UCK2: variants seen among roughly 807,000 people sequenced by gnomAD.
UCK2 encodes uridine-cytidine kinase 2.
A neutral mutation model predicts 30.8 loss-of-function variants in UCK2; 6 were observed. That is an observed-to-expected ratio of 0.19 (90% CI 0.11 to 0.38). The LOEUF is 0.38. Ranked by LOEUF, UCK2 falls within the 10% of genes least tolerant of loss-of-function variation. UCK2 has a pLI of 1.00. For synonymous variants in UCK2, 125 were observed against 133.6 expected, an observed-to-expected ratio of 0.94 and a Z score of 0.45; for missense variants, 210 against 339.8, an observed-to-expected ratio of 0.62 and a Z score of 3.00.
At position 165,855,741 on chromosome 1, in the gene UCK2, C is replaced by T. The variant is rs183079781; in HGVS notation, c.99+27809C>T. Reference sequence around the variant, plus strand: ...ACCTGTGATGGGGAACATGAATATTCGAGGAGCACAGGTGGATGTGGGGTG... The same window carrying T: ...ACCTGTGATGGGGAACATGAATATTTGAGGAGCACAGGTGGATGTGGGGTG... On this transcript the variant is annotated intron_variant, in intron 1 of 6. Coordinates refer to ENST00000367879, the MANE Select transcript of UCK2 (RefSeq NM_012474.5). Among the ~76,000 whole-genome samples the T allele has an allele frequency of 5.1e-3, 782 of 152,156 alleles. 7 individuals are homozygous for T. The highest frequency in any genetic ancestry group is 8.9e-3 in the Admixed American group (136 of 15,278).
At chr1:165,894,829 T>C (rs1655853682) in intron 3 of UCK2, among the ~76,000 whole-genome samples, 1 of 152,186 alleles carries the variant, frequency 6.6e-6, no homozygotes, top group African/African-American at 2.4e-5. Context: ...CCGTTGATAC[T>C]GACCTCCTTA....
At chr1:165,873,929 G>T (rs1003391082) in intron 1 of UCK2, among the ~76,000 whole-genome samples, 2 of 151,946 alleles carry the variant, frequency 1.3e-5, no homozygotes, top group African/African-American at 2.4e-5. Context: ...CTACCTTATT[G>T]TCTCTTTCTT....
chr1:165,876,483 A>T (rs1655340101), intron 1 of UCK2, among the ~76,000 whole-genome samples: 1 of 152,250 alleles, frequency 6.6e-6, no homozygotes, highest in Non-Finnish European at 1.5e-5. Flanking sequence ...AAAATTCTGC[A>T]GGACAAGTTT....
intron 1 of UCK2, among the ~76,000 whole-genome samples, chr1:165,889,316 G>GT (rs1346578658): frequency 6.6e-6 from 1 of 152,214 alleles, no homozygotes; most frequent in Non-Finnish European, 1.5e-5. Context: ...TCTGGCCATG[G>GT]TTTTTGGTTC....
rs372012520 is a variant in UCK2 at position 165,860,937 on chromosome 1, A to G, written c.100-29267A>G. ...ACTTGAAACTGCTTTGTTGAGAAAAATAAAAGAAAGCATCTGTCCAGTCTA... is the reference window on the plus strand; with the variant it reads ...ACTTGAAACTGCTTTGTTGAGAAAAGTAAAAGAAAGCATCTGTCCAGTCTA... On this transcript the variant is annotated intron_variant, in intron 1 of 6. Coordinates refer to ENST00000367879, the MANE Select transcript of UCK2 (RefSeq NM_012474.5). Among the ~76,000 whole-genome samples the G allele has an allele frequency of 5.8e-4, 89 of 152,320 alleles. No homozygotes were observed. In the South Asian group the frequency reaches 0.017, roughly 29 times the overall value.
intron 1 of UCK2, among the ~76,000 whole-genome samples, chr1:165,835,842 C>G (rs1226448766): frequency 6.6e-6 from 1 of 152,130 alleles, no homozygotes. Flanking sequence ...CAGAAGTATA[C>G]ATTAAAATTT....
At chr1:165,873,010 T>C (rs1352519660) in intron 1 of UCK2, among the ~76,000 whole-genome samples, 1 of 152,146 alleles carries the variant, frequency 6.6e-6, no homozygotes, top group Non-Finnish European at 1.5e-5. Flanking sequence ...AAAAGGGCAG[T>C]CGAGATCAAG....
intron 1 of UCK2, among the ~76,000 whole-genome samples, chr1:165,830,115 C>G (rs1654007151): frequency 6.6e-6 from 1 of 151,758 alleles, no homozygotes; most frequent in Non-Finnish European, 1.5e-5. Context: ...AAGTGATCCT[C>G]CCACTTCAGC....
intron 1 of UCK2, among the ~76,000 whole-genome samples, chr1:165,871,328 G>A (rs754769700): frequency 6.6e-6 from 1 of 152,220 alleles, no homozygotes; most frequent in African/African-American, 2.4e-5. Context: ...TTGTACTCCA[G>A]ACTTGCTGCT....
At chr1:165,851,537 G>A (rs1413175366) in intron 1 of UCK2, among the ~76,000 whole-genome samples, 1 of 152,086 alleles carries the variant, frequency 6.6e-6, no homozygotes, top group Non-Finnish European at 1.5e-5. Context: ...GCTACTCTGT[G>A]CATGCCACTC....
intron 1 of UCK2, among the ~76,000 whole-genome samples, chr1:165,857,877 C>T (rs952944467): frequency 2.6e-5 from 4 of 152,132 alleles, no homozygotes; most frequent in Non-Finnish European, 4.4e-5. Flanking sequence ...GTTTACTGCA[C>T]CCCATAAAAG....
At chr1:165,841,374 G>A (rs1413515075) in intron 1 of UCK2, among the ~76,000 whole-genome samples, 3 of 151,910 alleles carry the variant, frequency 2.0e-5, no homozygotes, top group African/African-American at 7.3e-5. Context: ...AGTAGAGATG[G>A]GGTTTCACCA....
At chr1:165,871,682 C>G (rs188080938) in intron 1 of UCK2, among the ~76,000 whole-genome samples, 1 of 151,570 alleles carries the variant, frequency 6.6e-6, no homozygotes, top group African/African-American at 2.4e-5. Context: ...AAGTGAGCTA[C>G]CGAGGAGTAA....
At chr1:165,844,314 A>G (rs974121725) in intron 1 of UCK2, among the ~76,000 whole-genome samples, 2 of 152,244 alleles carry the variant, frequency 1.3e-5, no homozygotes, top group Non-Finnish European at 2.9e-5. Context: ...ATTCCAAGTA[A>G]GAAGTAAAAA....
intron 1 of UCK2, among the ~76,000 whole-genome samples, chr1:165,839,797 TA>T (rs1287624238): frequency 6.6e-6 from 1 of 152,200 alleles, no homozygotes; most frequent in Non-Finnish European, 1.5e-5. Context: ...GTGTTAGGGT[TA>T]AACGATAAAA....
intron 1 of UCK2, among the ~76,000 whole-genome samples, chr1:165,876,429 A>G (rs1005395017): frequency 3.9e-5 from 6 of 152,244 alleles, no homozygotes; most frequent in Non-Finnish European, 8.8e-5. Flanking sequence ...CCTATATTCC[A>G]GATAGCAACA....
chr1:165,836,503 A>G (rs1654196267), intron 1 of UCK2, among the ~76,000 whole-genome samples: 1 of 152,202 alleles, frequency 6.6e-6, no homozygotes, highest in African/African-American at 2.4e-5. Flanking sequence ...GTCAAAATAC[A>G]GTGGATTTTT....
chr1:165,891,596 C>T, intron 3 of UCK2: 2 of 367,012 alleles, frequency 5.4e-6, no homozygotes, highest in Non-Finnish European at 1.0e-5. Context: ...GCTTGAGGGA[C>T]TGCATGTGCA....
chr1:165,832,955 A>G (rs1654089494), intron 1 of UCK2, among the ~76,000 whole-genome samples: 2 of 151,844 alleles, frequency 1.3e-5, no homozygotes, highest in Non-Finnish European at 2.9e-5. Flanking sequence ...TCGTGTAAAT[A>G]TTTTTAGGGA....
Sources: gnomAD v4.1 joint callset for allele counts (sites outside exome capture counted in the v4.1 genomes callset) on GRCh38, gnomAD v4.1.1 for gene constraint, MANE v1.5 for transcripts, NCBI Gene and HGNC (gene_info 2026-07-23, HGNC 2026-07-21) for gene names.